Variants in SYNJ1 observed in about 807,000 individuals in gnomAD.
SYNJ1 encodes polyphosphatidylinositol phosphatase SYNJ1.
A neutral mutation model predicts 168.2 loss-of-function variants in SYNJ1; 78 were observed. The ratio of observed to expected loss-of-function variants is 0.46; its 90% CI spans 0.39 to 0.56. The LOEUF is 0.56. SYNJ1 is among the 20% of genes least tolerant of loss of function. The pLI is 0.00. For missense variants in SYNJ1, 1,303 were observed against 1,597.6 expected (o/e 0.82, Z 3.14); for synonymous variants, 539 against 548.6 (o/e 0.98, Z 0.24).
chr21:32,643,425 TAGCTACCCC>T lies in SYNJ1; in HGVS notation c.3454_3462del (p.Gly1152_Ala1154del). On this transcript the variant is annotated inframe_deletion, in exon 27 of 33. Coordinates refer to ENST00000674351, the MANE Select transcript of SYNJ1 (RefSeq NM_203446.3). ...GTCTTGTTACCTTCCATCTCTCTCC[TAGCTACCCC>T]AGGACTGGGAGGGGCTCCAATACCT... The T allele has an allele frequency of 6.2e-7, 1 of 1,613,744 alleles. No individual in the cohort carries two copies. Among genetic ancestry groups the T allele is most frequent in the Non-Finnish European group, 8.5e-7 (1 of 1,179,800 alleles).
chr21:32,707,645 T>C (rs571863862), intron 2 of SYNJ1, among the ~76,000 whole-genome samples: 1 of 152,312 alleles, frequency 6.6e-6, no homozygotes, highest in African/African-American at 2.4e-5. Flanking sequence ...CATTTCCTTA[T>C]ATCTCAACAC....
Position 32,629,255 on chromosome 21 carries a change from T to C in SYNJ1, c.*2550A>G, listed in dbSNP as rs570571402. The C allele has an allele frequency of 6.5e-6, 1 of 152,796 alleles. No individual in the cohort carries two copies. Among genetic ancestry groups the C allele is most frequent in the South Asian group, 2.1e-4 (1 of 4,834 alleles). 9.5% of individuals were successfully genotyped at this position (152,796 alleles called of 1,614,324 possible). A position where few individuals can be genotyped will look rare whatever the true frequency, so the allele number is the denominator to read the frequency against. ...ATACCATATACACTAGTCACATGGA[T>C]GTTAAAGCCACAGTTTCAACAAGTT... On this transcript the variant is annotated 3_prime_UTR_variant, in exon 33 of 33. Transcript: ENST00000674351.
chr21:32,694,853 A>G (rs2042146862), intron 5 of SYNJ1, among the ~76,000 whole-genome samples: 1 of 152,216 alleles, frequency 6.6e-6, no homozygotes, highest in South Asian at 2.1e-4. Context: ...GATTAGTGAC[A>G]TCTTCTTACC....
rs2145809342 is a variant in SYNJ1 at position 32,650,231 on chromosome 21, G to GTAGA, written c.2986_2989dup (p.Thr997IlefsTer6). 1 of 1,613,626 alleles carries GTAGA rather than the reference G, an allele frequency of 6.2e-7. No individual in the cohort carries two copies. Among genetic ancestry groups the GTAGA allele is most frequent in the African/African-American group, 1.3e-5 (1 of 75,006 alleles). ...AACCTCTGCATCTTCACCAAGCAGG[G>GTAGA]TAGAGCTTGTTGATGATGGCAATGC... is the stretch of plus-strand genomic sequence containing the variant. On this transcript the variant is annotated frameshift_variant, in exon 23 of 33. Transcript: ENST00000674351. LOFTEE classifies it high-confidence loss of function.
At position 32,694,241 on chromosome 21, in the gene SYNJ1, T is replaced by C; in HGVS notation, c.776A>G (p.Gln259Arg). 1 of 1,539,550 alleles carries C rather than the reference T, an allele frequency of 6.5e-7. No individual in the cohort carries two copies. Among genetic ancestry groups the C allele is most frequent in the East Asian group, 2.5e-5 (1 of 39,598 alleles). Residue 259 changes from glutamine (Q) to arginine (R), a missense_variant, in exon 6 of 33, where the codon CAA becomes CGA. Around this residue, in one of 2 missense-constraint regions of SYNJ1, gnomAD observed 920 missense variants for 1,208.8 expected, o/e 0.76. Transcript: ENST00000674351. Reference sequence around the variant, plus strand: ...TCAAACACATACTTGCAACCCTGGTTGCTCCCAGAACAATGGAACAGATCC... The same window carrying C: ...TCAAACACATACTTGCAACCCTGGTCGCTCCCAGAACAATGGAACAGATCC... Reference protein sequence around the residue: ...IRGSVPLFWEQPGLQVGSHRV... With the variant: ...IRGSVPLFWERPGLQVGSHRV...
Position 32,652,034 on chromosome 21 carries a change from T to G in SYNJ1, c.2874+1254A>C, listed in dbSNP as rs113218581. Among the ~76,000 whole-genome samples, 112 of 152,318 alleles carry G rather than the reference T, an allele frequency of 7.4e-4. 1 individual carries two copies. Among genetic ancestry groups the G allele is most frequent in the African/African-American group, 2.6e-3 (107 of 41,558 alleles). On this transcript the variant is annotated intron_variant, in intron 22 of 32. Coordinates refer to ENST00000674351, the MANE Select transcript of SYNJ1 (RefSeq NM_203446.3). ...TATTTACATATGTATATGCTAATATTAAGGTTAAGAGAAATTACTTCAGAA... is the reference window on the plus strand; with the variant it reads ...TATTTACATATGTATATGCTAATATGAAGGTTAAGAGAAATTACTTCAGAA...
intron 2 of SYNJ1, 138 bp downstream of exon 2, chr21:32,726,634 A>C: frequency 8.7e-7 from 1 of 1,151,470 alleles, no homozygotes; most frequent in Non-Finnish European, 1.2e-6. Context: ...AGTTTGATTA[A>C]AAGGAAATAC....
chr21:32,723,324 C>T (rs1320352747), intron 2 of SYNJ1, among the ~76,000 whole-genome samples: 2 of 152,200 alleles, frequency 1.3e-5, no homozygotes, highest in African/African-American at 4.8e-5. Flanking sequence ...TAAGTGATTG[C>T]TAATCCTCAA....
intron 18 of SYNJ1, among the ~76,000 whole-genome samples, chr21:32,663,214 C>A (rs1369945041): frequency 6.6e-6 from 1 of 152,148 alleles, no homozygotes; most frequent in East Asian, 1.9e-4. Context: ...TCAAAAGAAT[C>A]ACCCTGATAA....
chr21:32,701,172 C>T (rs555037223), intron 3 of SYNJ1, among the ~76,000 whole-genome samples: 10 of 152,216 alleles, frequency 6.6e-5, no homozygotes, highest in East Asian at 1.9e-4. Context: ...AGCACCTAAG[C>T]GCAGTGCTTT....
Position 32,642,109 on chromosome 21 carries a change from CTTG to C in SYNJ1, c.3500_3502del (p.Thr1167del), listed in dbSNP as rs2039867494. ...AGTGTTTTTACCTATATTATCTTTC[CTTG>C]TTGTTCCAGGGCTTTTGGGTGCTTT... is the stretch of plus-strand genomic sequence containing the variant. On this transcript the variant is annotated inframe_deletion, in exon 28 of 33. Transcript: ENST00000674351. 1.2e-6 allele frequency: 2 copies of C among 1,613,862 alleles called. No individual in the cohort carries two copies. The highest frequency in any genetic ancestry group is 1.7e-6 in the Non-Finnish European group (2 of 1,180,010).
intron 21 of SYNJ1, among the ~76,000 whole-genome samples, chr21:32,654,446 C>T (rs1488020750): frequency 1.3e-5 from 2 of 152,164 alleles, no homozygotes; most frequent in Non-Finnish European, 2.9e-5. Context: ...CCTAACTACA[C>T]GAAGGTATCT....
chr21:32,631,321 C>G lies in SYNJ1; in HGVS notation c.*484G>C, dbSNP rs774737539. 1 of 1,614,170 alleles carries G rather than the reference C, an allele frequency of 6.2e-7. No individual in the cohort carries two copies. The highest frequency in any genetic ancestry group is 8.5e-7 in the Non-Finnish European group (1 of 1,180,042). On this transcript the variant is annotated 3_prime_UTR_variant, in exon 33 of 33. Coordinates refer to ENST00000674351, the MANE Select transcript of SYNJ1 (RefSeq NM_203446.3). ...TTTAATGTAGACTGGCCCTGTAGATCAAAACTGTCCTTAAAGCCATCAAGT... is the reference window on the plus strand; with the variant it reads ...TTTAATGTAGACTGGCCCTGTAGATGAAAACTGTCCTTAAAGCCATCAAGT...
At chr21:32,727,767 G>C in intron 1 of SYNJ1, 179 bp downstream of exon 1, 2 of 1,319,894 alleles carry the variant, frequency 1.5e-6, no homozygotes, top group Non-Finnish European at 2.0e-6. Context: ...GCGGCACCCC[G>C]CACAACCAGT....
intron 4 of SYNJ1, among the ~76,000 whole-genome samples, chr21:32,698,167 G>T (rs2042277091): frequency 6.6e-6 from 1 of 151,832 alleles, no homozygotes; most frequent in Non-Finnish European, 1.5e-5. Context: ...TCTCCCTCAT[G>T]GTCTCCTCCT....
chr21:32,683,189 G>C (rs1043528068), intron 10 of SYNJ1, among the ~76,000 whole-genome samples: 5 of 151,948 alleles, frequency 3.3e-5, no homozygotes, highest in Non-Finnish European at 7.4e-5. Flanking sequence ...ACTATGTTAA[G>C]TTCTGATGGA....
intron 13 of SYNJ1, 75 bp downstream of exon 13, chr21:32,676,257 T>A (rs551529023): frequency 3.3e-6 from 4 of 1,222,342 alleles, no homozygotes; most frequent in Admixed American, 2.6e-5. Context: ...TATGGCTTTA[T>A]TTGTTTACAA....
intron 11 of SYNJ1, among the ~76,000 whole-genome samples, chr21:32,680,442 G>T (rs1280307833): frequency 6.6e-6 from 1 of 152,032 alleles, no homozygotes; most frequent in Non-Finnish European, 1.5e-5. Flanking sequence ...TTCAAGTGAG[G>T]CCAGGATCCT....
At position 32,631,816 on chromosome 21, in the gene SYNJ1, G is replaced by C; in HGVS notation, c.*4-15C>G. ...TTTGTTTTTACCTGCAAAAGAAAGG[G>C]AGCACTGAAAAATCAGTTTATATTT... On this transcript the variant is annotated splice_polypyrimidine_tract_variant and intron_variant, in intron 32 of 32. Transcript: ENST00000674351. 6.3e-7 allele frequency: 1 copy of C among 1,592,326 alleles called. No individual in the cohort carries two copies. The highest frequency in any genetic ancestry group is 8.6e-7 in the Non-Finnish European group (1 of 1,168,916).
Sources: gnomAD v4.1 joint callset for allele counts (sites outside exome capture counted in the v4.1 genomes callset) on GRCh38, gnomAD v4.1.1 for gene constraint, gnomAD v4.1.1 regional missense constraint, MANE v1.5 for transcripts, NCBI Gene and HGNC (gene_info 2026-07-23, HGNC 2026-07-21) for gene names.